TTC17: variants seen among roughly 807,000 people sequenced by gnomAD.
TTC17 encodes tetratricopeptide repeat protein 17.
In TTC17, 58 loss-of-function variants were observed where a neutral mutation model predicts 143.8. The observed-to-expected ratio is 0.40, with a 90% CI of 0.33 to 0.50. The LOEUF is 0.50. Ranked by LOEUF, TTC17 falls within the 20% of genes least tolerant of loss-of-function variation. The pLI is 0.49. For synonymous variants in TTC17, 501 were observed against 497.8 expected, an observed-to-expected ratio of 1.01 and a Z score of -0.09; for missense variants, 1,273 against 1,392.5, an observed-to-expected ratio of 0.91 and a Z score of 1.37.
intron 22 of TTC17, chr11:43,490,797 C>T (rs886389659): frequency 3.0e-5 from 4 of 131,590 alleles, no homozygotes; most frequent in Middle Eastern, 0.01. Context: ...AGCAAATTTC[C>T]ATTTATTCAT....
chr11:43,469,594 C>T (rs1306646552), intron 21 of TTC17, among the ~76,000 whole-genome samples: 2 of 151,862 alleles, frequency 1.3e-5, no homozygotes, highest in Admixed American at 6.6e-5. Context: ...AAGTTGGTAA[C>T]AAAAAAATGC....
chr11:43,409,837 TTTTTC>T (rs1220472064), intron 15 of TTC17, among the ~76,000 whole-genome samples: 6 of 152,146 alleles, frequency 3.9e-5, no homozygotes, highest in Middle Eastern at 3.4e-3. Context: ...CTTTTTTCCT[TTTTTC>T]TTTTCTTTTT....
chr11:43,447,993 T>C lies in TTC17; in HGVS notation c.2666-9T>C, dbSNP rs776456110. The C allele has an allele frequency of 1.9e-6, 3 of 1,613,372 alleles. No individual in the cohort carries two copies. The highest frequency in any genetic ancestry group is 2.5e-6 in the Non-Finnish European group (3 of 1,179,652). On this transcript the variant is annotated splice_polypyrimidine_tract_variant and intron_variant, in intron 18 of 23. Coordinates refer to ENST00000039989, the MANE Select transcript of TTC17 (RefSeq NM_018259.6). The stretch of plus-strand genomic sequence containing the variant: ...AATTGTGTGGATTCATGGCATACTT[T>C]CCTTCCAGGAAAAAAACGTGACTAC...
intron 20 of TTC17, among the ~76,000 whole-genome samples, 172 bp from the exon 21 acceptor site, chr11:43,451,010 A>T (rs1947646982): frequency 6.6e-6 from 1 of 152,186 alleles, no homozygotes; most frequent in African/African-American, 2.4e-5. Flanking sequence ...TGAGGGGATG[A>T]TAAAACAGCC....
intron 16 of TTC17, among the ~76,000 whole-genome samples, chr11:43,424,510 C>T (rs1370646948): frequency 6.6e-6 from 1 of 152,100 alleles, no homozygotes; most frequent in Non-Finnish European, 1.5e-5. Flanking sequence ...GGCTTCACGC[C>T]TGTAACCCCA....
chr11:43,473,080 C>T lies in TTC17; in HGVS notation c.3031-17159C>T, dbSNP rs530210888. Among the ~76,000 whole-genome samples the T allele has an allele frequency of 4.6e-5, 7 of 151,712 alleles. No homozygotes were observed. The East Asian group carries it at 1.4e-3, about 30-fold the overall frequency. On this transcript the variant is annotated intron_variant, in intron 21 of 23. Coordinates refer to ENST00000039989, the MANE Select transcript of TTC17 (RefSeq NM_018259.6). ...ATCCCAGCTACTTGGGAGGCTGAGG[C>T]AGGAGAATTGCTTGAACCTGGGAAG... is the stretch of plus-strand genomic sequence containing the variant.
intron 1 of TTC17, among the ~76,000 whole-genome samples, chr11:43,374,046 A>G (rs1490264986): frequency 3.3e-5 from 5 of 152,232 alleles, no homozygotes; most frequent in Admixed American, 3.3e-4. Flanking sequence ...TATCTAATAA[A>G]TGTGGCAGAG....
chr11:43,362,149 T>TTGTGTGTGTGTGTGTG (rs3978779), intron 1 of TTC17, among the ~76,000 whole-genome samples: 1 of 138,054 alleles, frequency 7.2e-6, no homozygotes, highest in Admixed American at 7.1e-5. Flanking sequence ...CCCGGCTAAT[T>TTGTGTGTGTGTGTGTG]TGTGTGTGTG....
At chr11:43,381,811 A>G (rs1856979199) in intron 2 of TTC17, among the ~76,000 whole-genome samples, 1 of 152,190 alleles carries the variant, frequency 6.6e-6, no homozygotes, top group Non-Finnish European at 1.5e-5. Context: ...GACAGAGGGC[A>G]TGAAGAAATA....
intron 21 of TTC17, among the ~76,000 whole-genome samples, chr11:43,457,698 G>A (rs1264303959): frequency 6.6e-6 from 1 of 152,030 alleles, no homozygotes; most frequent in Non-Finnish European, 1.5e-5. Flanking sequence ...CATTGAATGG[G>A]TTTAATAACA....
At chr11:43,479,132 C>G (rs1174533352) in intron 21 of TTC17, among the ~76,000 whole-genome samples, 1 of 152,056 alleles carries the variant, frequency 6.6e-6, no homozygotes, top group Non-Finnish European at 1.5e-5. Flanking sequence ...CCCAGCTACT[C>G]TGGAGGCTGA....
chr11:43,467,548 T>C (rs979647304), intron 21 of TTC17, among the ~76,000 whole-genome samples: 11 of 152,314 alleles, frequency 7.2e-5, no homozygotes, highest in African/African-American at 2.4e-4. Context: ...TTAATGGATA[T>C]TGAGTTTGTT....
rs1378453414 is a variant in TTC17 at position 43,395,211 on chromosome 11, C to T, written c.664-1498C>T. On this transcript the variant is annotated intron_variant, in intron 5 of 23. Transcript: ENST00000039989. ...CGTCTCCTGGGTTCACGCTATTCTC[C>T]TGCCTCAGCCTCCCGAGTAGCTGGG... is the stretch of plus-strand genomic sequence containing the variant. Among the ~76,000 whole-genome samples, 6 of 151,724 alleles carry T rather than the reference C, an allele frequency of 4.0e-5. No homozygotes were observed. The East Asian group carries it at 5.9e-4, about 15-fold the overall frequency.
At chr11:43,384,482 G>A (rs979705405) in intron 2 of TTC17, among the ~76,000 whole-genome samples, 19 of 152,100 alleles carry the variant, frequency 1.2e-4, no homozygotes, top group African/African-American at 4.6e-4. Context: ...ATGGAGAAAT[G>A]CTGTTTCTAC....
intron 2 of TTC17, among the ~76,000 whole-genome samples, chr11:43,381,728 T>C (rs758800630): frequency 3.3e-5 from 5 of 152,046 alleles, no homozygotes; most frequent in Non-Finnish European, 5.9e-5. Context: ...GGTAACTGGA[T>C]AGAACCTGGA....
At chr11:43,441,206 G>A (rs1000348873) in intron 16 of TTC17, among the ~76,000 whole-genome samples, 1 of 151,198 alleles carries the variant, frequency 6.6e-6, no homozygotes, top group Non-Finnish European at 1.5e-5. Context: ...AGGAGGCAGA[G>A]GTTTAAGTGA....
chr11:43,456,768 TA>T (rs1259245735), intron 21 of TTC17, among the ~76,000 whole-genome samples: 2 of 152,132 alleles, frequency 1.3e-5, no homozygotes, highest in Non-Finnish European at 2.9e-5. Context: ...GAGAAAGAAG[TA>T]AAGCTTTTAG....
chr11:43,444,286 A>G, intron 18 of TTC17, 77 bp downstream of exon 18: 1 of 1,446,206 alleles, frequency 6.9e-7, no homozygotes, highest in Non-Finnish European at 9.3e-7. Context: ...TTGTATTTGT[A>G]ACTTGAAATA....
intron 16 of TTC17, among the ~76,000 whole-genome samples, chr11:43,432,837 T>C (rs954426696): frequency 5.3e-5 from 8 of 152,206 alleles, no homozygotes; most frequent in Non-Finnish European, 1.2e-4. Flanking sequence ...GTCTAAAGAA[T>C]GGAAATTTTA....
Sources: allele counts gnomAD v4.1 joint callset (sites outside exome capture counted in the v4.1 genomes callset), GRCh38; gene constraint gnomAD v4.1.1; transcripts MANE v1.5; gene names NCBI Gene and HGNC (gene_info 2026-07-23, HGNC 2026-07-21).